Variants in ITPR3 observed in about 807,000 individuals in gnomAD.
ITPR3 encodes the protein inositol 1,4,5-trisphosphate-gated calcium channel ITPR3.
A neutral mutation model predicts 293.2 loss-of-function variants in ITPR3; 173 were observed. The observed-to-expected ratio is 0.59, with a 90% CI of 0.52 to 0.67. The LOEUF (loss-of-function observed/expected upper bound fraction) is 0.67, where lower values mean the gene tolerates loss of function less well. Ranked by LOEUF, ITPR3 falls within the 30% of genes least tolerant of loss-of-function variation. ITPR3 has a pLI of 0.00. For missense variants in ITPR3, 2,796 were observed against 3,592.1 expected, an observed-to-expected ratio of 0.78 and a Z score of 5.66; for synonymous variants, 1,295 against 1,444.4, an observed-to-expected ratio of 0.90 and a Z score of 2.35.
rs893432841 is a variant in ITPR3, at chr6:33,687,635, G to A, written c.6264+71G>A. Reference sequence around the variant, plus strand: ...CAGGGAGGACACTTGACCCAAGGGCGTGGCCTGGAACAGAGTGAGGCCCTA... The same window carrying A: ...CAGGGAGGACACTTGACCCAAGGGCATGGCCTGGAACAGAGTGAGGCCCTA... On this transcript the variant is annotated intron_variant, in intron 46 of 57. Transcript: ENST00000605930. The surrounding 1 kb of genome is among the most constrained non-coding windows in gnomAD (Gnocchi z 5.3). 18 of 1,265,824 alleles carry A rather than the reference G, an allele frequency of 1.4e-5. No homozygotes were observed. The highest frequency in any genetic ancestry group is 4.8e-5 in the East Asian group (2 of 41,664). 78.4% of individuals were successfully genotyped at this position (1,265,824 alleles called of 1,614,324 possible).
chr6:33,668,624 A>G lies in ITPR3; in HGVS notation c.1996A>G (p.Ile666Val). The change falls in exon 17 of 58, where the codon ATC (isoleucine) becomes GTC (valine). Residue 666 changes from isoleucine (I) to valine (V), a missense_variant. Physicochemically the swap from Ile to Val is conservative, Grantham distance 29. Transcript: ENST00000605930. Reference protein sequence around the residue: ...VLDPKNSDILIRTELRPVKEM... With the variant: ...VLDPKNSDILVRTELRPVKEM... Reference sequence around the variant, plus strand: ...GGACCCCAAGAACAGTGACATTCTCATCCGGACCGAGTGAGCCCTGTGCCC... The same window carrying G: ...GGACCCCAAGAACAGTGACATTCTCGTCCGGACCGAGTGAGCCCTGTGCCC... The G allele has an allele frequency of 6.2e-7, 1 of 1,611,348 alleles. No individual in the cohort carries two copies. Among genetic ancestry groups the G allele is most frequent in the Non-Finnish European group, 8.5e-7 (1 of 1,177,860 alleles).
In ITPR3 at chr6:33,693,706, G is replaced by T; in HGVS notation, c.7785+1G>T. On this transcript the variant is annotated splice_donor_variant, in intron 56 of 57. Transcript: ENST00000605930. LOFTEE classifies it high-confidence loss of function. Reference sequence around the variant, plus strand: ...GAGCTACGTGGCCCAGATGATCAAGGTGTGAGCAGGGGCTGTGCCAGGCCT... The same window carrying T: ...GAGCTACGTGGCCCAGATGATCAAGTTGTGAGCAGGGGCTGTGCCAGGCCT... 6.2e-7 allele frequency: 1 copy of T among 1,613,980 alleles called. No homozygotes were observed. The highest frequency in any genetic ancestry group is 8.5e-7 in the Non-Finnish European group (1 of 1,179,936).
At chr6:33,656,265 G>A (rs1441633282) in intron 3 of ITPR3, among the ~76,000 whole-genome samples, 3 of 152,336 alleles carry the variant, frequency 2.0e-5, no homozygotes, top group Admixed American at 2.0e-4. Flanking sequence ...TAACTCTGTT[G>A]TGTCAATGAG....
At chr6:33,644,366 G>T (rs145390955) in intron 2 of ITPR3, among the ~76,000 whole-genome samples, 126 of 150,072 alleles carry the variant, frequency 8.4e-4, no homozygotes, top group African/African-American at 2.3e-3. Context: ...CAGGCAATCC[G>T]CCCGTCTCGG....
chr6:33,662,993 A>C lies in ITPR3; in HGVS notation c.941A>C (p.Tyr314Ser). Residue 314 changes from tyrosine to serine, a missense_variant, in exon 9 of 58, where the codon TAC becomes TCC. Transcript: ENST00000605930. ...YRFKHLATGN[Y>S]LAAEENPSYK... ...TTCAAGCACCTGGCTACAGGCAACT[A>C]CCTGGCTGCTGAGGTGAGCGGGAGG... is the stretch of plus-strand genomic sequence containing the variant. The C allele has an allele frequency of 6.3e-7, 1 of 1,599,604 alleles. No homozygotes were observed. The highest frequency in any genetic ancestry group is 8.5e-7 in the Non-Finnish European group (1 of 1,172,484).
rs1765377846 is a variant in ITPR3 at position 33,691,140 on chromosome 6, G to C, written c.7225+31G>C. The C allele has an allele frequency of 1.2e-6, 2 of 1,609,290 alleles. No individual in the cohort carries two copies. Among genetic ancestry groups the C allele is most frequent in the African/African-American group, 2.7e-5 (2 of 74,934 alleles). On this transcript the variant is annotated intron_variant, in intron 52 of 57. Transcript: ENST00000605930. This position sits in a 1 kb window ranked among gnomAD's most constrained non-coding sequence, Gnocchi z 4.9. ...GGAGGCTTCCTCTCCTGGGCAGGTTGTGGGGAATGAGGTTGGGTCTCACAA... is the reference window on the plus strand; with the variant it reads ...GGAGGCTTCCTCTCCTGGGCAGGTTCTGGGGAATGAGGTTGGGTCTCACAA...
At chr6:33,676,573 G>A (rs1321635499) in intron 25 of ITPR3, among the ~76,000 whole-genome samples, 195 bp from the exon 26 acceptor site, 1 of 152,260 alleles carries the variant, frequency 6.6e-6, no homozygotes, top group African/African-American at 2.4e-5. Flanking sequence ...GGAGGCCTGT[G>A]GCCAGCAGGG....
Position 33,667,788 on chromosome 6 carries a change from C to A in ITPR3, c.1714-4C>A, listed in dbSNP as rs78399616. ...TGTGACCCCCAGCCTGTCTGCCCCC[C>A]CAGGAGCACATTGCCAAGCAGTTTG... is the stretch of plus-strand genomic sequence containing the variant. On this transcript the variant is annotated splice_polypyrimidine_tract_variant and splice_region_variant and intron_variant, in intron 15 of 57. Coordinates refer to ENST00000605930, the MANE Select transcript of ITPR3 (RefSeq NM_002224.4). This position sits in a 1 kb window ranked among gnomAD's most constrained non-coding sequence, Gnocchi z 4.4. The A allele has an allele frequency of 0.011, 18,406 of 1,613,912 alleles. 212 individuals are homozygous for A. Among genetic ancestry groups the A allele is most frequent in the Non-Finnish European group, 0.011 (13,466 of 1,179,852 alleles).
rs370152206 is a variant in ITPR3, at chr6:33,673,606, C to T, written c.2944C>T (p.Arg982Cys). The T allele has an allele frequency of 3.0e-5, 48 of 1,614,006 alleles. No individual in the cohort carries two copies. Among genetic ancestry groups the T allele is most frequent in the Non-Finnish European group, 3.9e-5 (46 of 1,180,000 alleles). Residue 982 changes from arginine (R) to cysteine (C), a missense_variant, in exon 23 of 58, where the codon CGC becomes TGC. Arg to Cys is a radical substitution (Grantham distance 180). Around this residue, in one of 8 missense-constraint regions of ITPR3, gnomAD observed 955 missense variants for 1,180.8 expected, o/e 0.81. Transcript: ENST00000605930. ...TCTTCTCCAGTTCATCCTCAATGTC[C>T]GCCTGGATTACCGCATATCCTACCT... ...LEILQFILNVRLDYRISYLLS... is the reference protein window; with the variant it reads ...LEILQFILNVCLDYRISYLLS...
Position 33,690,107 on chromosome 6 carries a change from T to C in ITPR3, c.6941T>C (p.Met2314Thr), listed in dbSNP as rs770357129. 9.9e-6 allele frequency: 16 copies of C among 1,614,194 alleles called. No individual in the cohort carries two copies. The Admixed American group carries it at 1.7e-4, about 17-fold the overall frequency. ...RGTFIRGYKAMVMDMEFLYHV... is the reference protein window; with the variant it reads ...RGTFIRGYKATVMDMEFLYHV... ...ACCTTCATCCGGGGCTATAAGGCCA[T>C]GGTCATGGACATGGAATTCCTCTAC... Residue 2314 changes from methionine (M) to threonine (T), a missense_variant, in exon 51 of 58, where the codon ATG (methionine) becomes ACG (threonine). Met to Thr is a moderately conservative substitution (Grantham distance 81). This residue lies in a region of ITPR3 where 568 missense variants were observed against 796.1 expected (regional missense o/e 0.71). Transcript: ENST00000605930.
chr6:33,685,253 C>T, intron 39 of ITPR3, 106 bp from the exon 40 acceptor site: 1 of 1,148,256 alleles, frequency 8.7e-7, no homozygotes, highest in Non-Finnish European at 1.3e-6. Flanking sequence ...TGCAGCCAGG[C>T]CCCTGCAGCC....
Position 33,675,276 on chromosome 6 carries a change from G to A in ITPR3, c.3117-415G>A, listed in dbSNP as rs1477559196. Among the ~76,000 whole-genome samples the A allele has an allele frequency of 6.6e-6, 1 of 152,092 alleles. No individual in the cohort carries two copies. The highest frequency in any genetic ancestry group is 1.9e-4 in the East Asian group (1 of 5,184). On this transcript the variant is annotated intron_variant, in intron 24 of 57. Coordinates refer to ENST00000605930, the MANE Select transcript of ITPR3 (RefSeq NM_002224.4). The surrounding 1 kb of genome is among the most constrained non-coding windows in gnomAD (Gnocchi z 5.0). ...GTCTCTACTAAAAATACAAAAATTAGCCGGGTGTGTTGGCACACACTGGTA... is the reference window on the plus strand; with the variant it reads ...GTCTCTACTAAAAATACAAAAATTAACCGGGTGTGTTGGCACACACTGGTA...
intron 49 of ITPR3, 123 bp from the exon 50 acceptor site, chr6:33,689,115 C>T: frequency 8.5e-7 from 1 of 1,169,764 alleles, no homozygotes; most frequent in Non-Finnish European, 1.2e-6. Flanking sequence ...AGGCTAAAAC[C>T]AGGCACCAGG....
chr6:33,621,686 T>A lies in ITPR3; in HGVS notation c.84T>A (p.Thr28=), dbSNP rs1191221077. The change falls in exon 1 of 58, where the codon ACT becomes ACA. Residue 28 remains threonine, a synonymous_variant. Coordinates refer to ENST00000605930, the MANE Select transcript of ITPR3 (RefSeq NM_002224.4). The surrounding 1 kb of genome is among the most constrained non-coding windows in gnomAD (Gnocchi z 7.7). ...GCTCCGTCAATGGCTTCATCAGCACTTTGGGGTGAGTGAGCCGAGCTCGAG... is the reference window on the plus strand; with the variant it reads ...GCTCCGTCAATGGCTTCATCAGCACATTGGGGTGAGTGAGCCGAGCTCGAG... ...AEGSVNGFIS[T]LGLVDDRCVV... 6.2e-7 allele frequency: 1 copy of A among 1,606,044 alleles called. No homozygotes were observed. The highest frequency in any genetic ancestry group is 2.2e-5 in the East Asian group (1 of 44,508).
In ITPR3 at chr6:33,668,983, C is replaced by A; in HGVS notation, c.2016C>A (p.Pro672=). 1 of 1,613,586 alleles carries A rather than the reference C, an allele frequency of 6.2e-7. No individual in the cohort carries two copies. Among genetic ancestry groups the A allele is most frequent in the Non-Finnish European group, 8.5e-7 (1 of 1,179,944 alleles). The change falls in exon 18 of 58, where the codon CCC becomes CCA. Residue 672 remains proline (P), a synonymous_variant. Coordinates refer to ENST00000605930, the MANE Select transcript of ITPR3 (RefSeq NM_002224.4). Reference sequence around the variant, plus strand: ...TGCTGGTGGTCTGCAGGCTTCGGCCCGTGAAGGAGATGGCCCAATCCCACG... The same window carrying A: ...TGCTGGTGGTCTGCAGGCTTCGGCCAGTGAAGGAGATGGCCCAATCCCACG... ...SDILIRTELR[P]VKEMAQSHEY...
In ITPR3 at chr6:33,621,484, C is replaced by A. The variant is rs1388351890; in HGVS notation, c.-119C>A. On this transcript the variant is annotated 5_prime_UTR_variant, in exon 1 of 58. Coordinates refer to ENST00000605930, the MANE Select transcript of ITPR3 (RefSeq NM_002224.4). The surrounding 1 kb of genome is among the most constrained non-coding windows in gnomAD (Gnocchi z 7.7). ...AGCCCGCCCCGGCCGCACCGAGCGT[C>A]GGGATCCGAGGTGGGAGCGTACCCC... 1 of 645,586 alleles carries A rather than the reference C, an allele frequency of 1.5e-6. No homozygotes were observed. Among genetic ancestry groups the A allele is most frequent in the Admixed American group, 3.4e-5 (1 of 29,826 alleles). The allele number at this position is 645,586 out of a possible 1,614,324, so 40.0% of individuals were successfully genotyped here.
At chr6:33,662,310 C>T (rs946083019) in intron 7 of ITPR3, among the ~76,000 whole-genome samples, 10 of 152,130 alleles carry the variant, frequency 6.6e-5, no homozygotes, top group Non-Finnish European at 1.3e-4. Context: ...TGGGAGAGCT[C>T]TGGATTTGGG....
Position 33,638,746 on chromosome 6 carries a change from C to T in ITPR3, c.90-1738C>T, listed in dbSNP as rs4713646. ...TTACAAAGAAAACACACAGGGGCTC[C>T]GTTCTCAAGGAACTCACAGTGTAGA... On this transcript the variant is annotated intron_variant, in intron 1 of 57. Coordinates refer to ENST00000605930, the MANE Select transcript of ITPR3 (RefSeq NM_002224.4). This position sits in a 1 kb window ranked among gnomAD's most constrained non-coding sequence, Gnocchi z 4.3. 0.29 allele frequency among the ~76,000 whole-genome samples: 43,401 copies of T among 152,028 alleles called. 6,684 individuals are homozygous for T. The highest frequency in any genetic ancestry group is 0.48 in the East Asian group (2,455 of 5,156).
chr6:33,695,639 C>A, intron 57 of ITPR3, 73 bp from the exon 58 acceptor site: 2 of 1,453,516 alleles, frequency 1.4e-6, no homozygotes, highest in Non-Finnish European at 9.6e-7. Flanking sequence ...GGGTGCCAAG[C>A]TCTTCCACAG....
Sources: gnomAD v4.1 joint callset for allele counts (sites outside exome capture counted in the v4.1 genomes callset) on GRCh38, gnomAD v4.1.1 for gene constraint, gnomAD v4.1.1 regional missense constraint, Gnocchi (gnomAD v3.1) non-coding constraint, MANE v1.5 for transcripts, NCBI Gene and HGNC (gene_info 2026-07-23, HGNC 2026-07-21) for gene names.